SLC25A24: variants seen among roughly 807,000 people sequenced by gnomAD.
SLC25A24 encodes the protein solute carrier family 25 member 24.
A neutral mutation model predicts 60.7 loss-of-function variants in SLC25A24; 49 were observed. The observed-to-expected ratio is 0.81, with a 90% CI of 0.64 to 1.02. SLC25A24 has a LOEUF of 1.02. Ranked by LOEUF, SLC25A24 falls within the 50% of genes least tolerant of loss-of-function variation. SLC25A24 has a pLI of 0.00. For missense variants in SLC25A24, 564 were observed against 586.3 expected (o/e 0.96, Z 0.39); for synonymous variants, 202 against 200.6 (o/e 1.01, Z -0.06).
Position 108,199,998 on chromosome 1 carries a change from C to T in SLC25A24, c.141G>A (p.Gly47=), listed in dbSNP as rs773456061. ...CCAGAGGGATGCCCAGGTTCCTGAG[C>T]CCCTCCTGCAGCTCGCCGATGTCCA... is the stretch of plus-strand genomic sequence containing the variant. ...GVVDIGELQE[G]LRNLGIPLGQ... is the part of the protein sequence containing the mutation. Residue 47 remains glycine (G), a synonymous_variant, in exon 1 of 10, where the codon GGG becomes GGA. Transcript: ENST00000565488. 19 of 1,611,370 alleles carry T rather than the reference C, an allele frequency of 1.2e-5. No individual in the cohort carries two copies. Among genetic ancestry groups the T allele is most frequent in the South Asian group, 6.7e-5 (6 of 90,202 alleles).
intron 3 of SLC25A24, among the ~76,000 whole-genome samples, chr1:108,166,138 T>G (rs1680246487): frequency 6.6e-6 from 1 of 152,246 alleles, no homozygotes; most frequent in Admixed American, 6.5e-5. Context: ...CTCTTCTGGT[T>G]TGTAGAGTTT....
chr1:108,189,753 T>C, intron 1 of SLC25A24, among the ~76,000 whole-genome samples: 1 of 150,074 alleles, frequency 6.7e-6, no homozygotes, highest in Non-Finnish European at 1.5e-5. Context: ...TAGACAGAGG[T>C]TGCAGTGAAC....
intron 8 of SLC25A24, among the ~76,000 whole-genome samples, chr1:108,140,794 A>G (rs1369174609): frequency 6.8e-6 from 1 of 146,838 alleles, no homozygotes; most frequent in African/African-American, 2.5e-5. Context: ...AAGGGAAATG[A>G]GAAGGGAATC....
chr1:108,161,877 T>G (rs10881509), intron 3 of SLC25A24, among the ~76,000 whole-genome samples: 8 of 150,906 alleles, frequency 5.3e-5, no homozygotes, highest in African/African-American at 2.0e-4. Flanking sequence ...TACATGTGCC[T>G]TGCTGGTGCG....
At chr1:108,184,752 A>G (rs1442811067) in intron 2 of SLC25A24, among the ~76,000 whole-genome samples, 1 of 152,238 alleles carries the variant, frequency 6.6e-6, no homozygotes, top group African/African-American at 2.4e-5. Flanking sequence ...AACTGAGACC[A>G]CATGACCCAC....
chr1:108,150,162 C>G (rs1199576374), intron 6 of SLC25A24, among the ~76,000 whole-genome samples: 2 of 152,116 alleles, frequency 1.3e-5, no homozygotes, highest in Non-Finnish European at 2.9e-5. Flanking sequence ...ATACCTTGGA[C>G]CCCCACAGCA....
intron 3 of SLC25A24, 92 bp downstream of exon 3, chr1:108,181,849 G>C (rs1647940898): frequency 2.3e-6 from 2 of 852,348 alleles, no homozygotes; most frequent in Non-Finnish European, 4.0e-6. Flanking sequence ...ATGAAGACTA[G>C]GGAGGTGTTT....
At chr1:108,145,292 C>G (rs1386085064) in intron 7 of SLC25A24, among the ~76,000 whole-genome samples, 2 of 151,996 alleles carry the variant, frequency 1.3e-5, no homozygotes, top group Non-Finnish European at 2.9e-5. Context: ...GCTTAAGTTC[C>G]TTATAGATTC....
chr1:108,176,073 A>T (rs558055411), intron 3 of SLC25A24, among the ~76,000 whole-genome samples: 1 of 152,332 alleles, frequency 6.6e-6, no homozygotes, highest in Non-Finnish European at 1.5e-5. Context: ...ACTGACATAG[A>T]ATTCAAAGAA....
At chr1:108,162,941 G>C (rs1346419794) in intron 3 of SLC25A24, among the ~76,000 whole-genome samples, 1 of 147,224 alleles carries the variant, frequency 6.8e-6, no homozygotes, top group African/African-American at 2.5e-5. Flanking sequence ...TAACGTTTAA[G>C]TCTTTAATCC....
chr1:108,162,370 C>G (rs1394239776), intron 3 of SLC25A24, among the ~76,000 whole-genome samples: 1 of 150,162 alleles, frequency 6.7e-6, no homozygotes, highest in Non-Finnish European at 1.5e-5. Context: ...AATTGCCACA[C>G]TGACTTCCAC....
intron 3 of SLC25A24, among the ~76,000 whole-genome samples, chr1:108,176,037 A>G (rs905877145): frequency 6.6e-6 from 1 of 152,184 alleles, no homozygotes; most frequent in Non-Finnish European, 1.5e-5. Flanking sequence ...ACCAGCGACC[A>G]TCCCTAAAGA....
At chr1:108,179,122 C>T (rs368763025) in intron 3 of SLC25A24, among the ~76,000 whole-genome samples, 1 of 84,398 alleles carries the variant, frequency 1.2e-5, no homozygotes, top group African/African-American at 4.2e-5. Flanking sequence ...CCAAAAAGTA[C>T]AAAAAAAAAA....
At chr1:108,171,834 TACAG>T (rs556004406) in intron 3 of SLC25A24, among the ~76,000 whole-genome samples, 60 of 152,342 alleles carry the variant, frequency 3.9e-4, no homozygotes, top group Non-Finnish European at 6.9e-4. Flanking sequence ...CTCTCCATTT[TACAG>T]ACAAAGAGAG....
At chr1:108,154,220 T>TG (rs5776930) in intron 6 of SLC25A24, among the ~76,000 whole-genome samples, 71,531 of 150,508 alleles carry the variant, frequency 0.48, 17,674 homozygotes, top group African/African-American at 0.61. Flanking sequence ...ACAAAAACTA[T>TG]GGGGGGGGAG....
rs1363276161 is a variant in SLC25A24 at position 108,136,743 on chromosome 1, G to A, written c.1344C>T (p.Thr448=). The A allele has an allele frequency of 6.2e-7, 1 of 1,614,014 alleles. No homozygotes were observed. Among genetic ancestry groups the A allele is most frequent in the Non-Finnish European group, 8.5e-7 (1 of 1,179,928 alleles). ...EGIPGLYRGI[T]PNFMKVLPAV... is the part of the protein sequence containing the mutation. ...CAGGGAGCACCTTCATGAAGTTTGG[G>A]GTGATGCCTCTGTAAAGTCCTGGTA... Residue 448 remains threonine, a synonymous_variant, in exon 10 of 10, where the codon ACC becomes ACT. Transcript: ENST00000565488.
chr1:108,154,602 C>T (rs6703140), intron 6 of SLC25A24, among the ~76,000 whole-genome samples: 76,912 of 151,916 alleles, frequency 0.51, 20,030 homozygotes, highest in African/African-American at 0.63. Context: ...TTTACAGCAA[C>T]GTCAAATTAC....
intron 5 of SLC25A24, among the ~76,000 whole-genome samples, chr1:108,156,188 T>C (rs1325552297): frequency 2.0e-5 from 3 of 152,342 alleles, no homozygotes; most frequent in Admixed American, 2.0e-4. Context: ...CCCTATGTGC[T>C]TCTTTACTTG....
Position 108,149,394 on chromosome 1 carries a change from G to A in SLC25A24, c.823-1008C>T, listed in dbSNP as rs183715832. 1.4e-4 allele frequency among the ~76,000 whole-genome samples: 21 copies of A among 152,204 alleles called. No homozygotes were observed. The East Asian group carries it at 2.3e-3, about 17-fold the overall frequency. On this transcript the variant is annotated intron_variant, in intron 6 of 9. Coordinates refer to ENST00000565488, the MANE Select transcript of SLC25A24 (RefSeq NM_013386.5). ...TGGAACTCCAGAGCCACGTGGCCTC[G>A]AGCAAGTTCATGAACAGGTCCACAT...
Sources: allele counts gnomAD v4.1 joint callset (sites outside exome capture counted in the v4.1 genomes callset), GRCh38; gene constraint gnomAD v4.1.1; transcripts MANE v1.5; gene names NCBI Gene and HGNC (gene_info 2026-07-23, HGNC 2026-07-21).